Variants in ROBO3 observed in about 807,000 individuals in gnomAD.
ROBO3 encodes the protein roundabout guidance receptor 3.
Under a neutral mutation model 160.5 loss-of-function variants are expected in ROBO3, and 97 were observed. The ratio of observed to expected loss-of-function variants is 0.60; its 90% confidence interval spans 0.51 to 0.72. ROBO3 has a LOEUF of 0.72. Among genes scored for constraint, ROBO3 ranks in the 30% least tolerant of loss-of-function variants. The pLI, the probability that ROBO3 is intolerant of heterozygous loss-of-function variation, is 0.00. For synonymous variants in ROBO3, 780 were observed against 746.2 expected (o/e 1.05, Z -0.74); for missense variants, 1,858 against 1,846.5 (o/e 1.01, Z -0.11).
chr11:124,868,742 G>T, intron 1 of ROBO3, 60 bp from the exon 2 acceptor site: 5 of 1,487,312 alleles, frequency 3.4e-6, no homozygotes, highest in Non-Finnish European at 1.8e-6. Flanking sequence ...TCCCTCTGGA[G>T]CCTCAATCTC....
chr11:124,868,686 G>A (rs972865442), intron 1 of ROBO3, 116 bp from the exon 2 acceptor site: 2 of 1,067,368 alleles, frequency 1.9e-6, no homozygotes, highest in Middle Eastern at 3.9e-4. Flanking sequence ...TGGGGACTGA[G>A]CTCCGCAGAG....
chr11:124,869,813 C>G lies in ROBO3; in HGVS notation c.646-135C>G. On this transcript the variant is annotated intron_variant, in intron 3 of 27. Transcript: ENST00000397801. The surrounding 1 kb of genome is among the most constrained non-coding windows in gnomAD (Gnocchi z 4.2). ...ACTTCCCATTTGATATGTGGGTCAA[C>G]TTCCTTGGTCTCCTTTATCAGCTTG... 1 of 1,349,684 alleles carries G rather than the reference C, an allele frequency of 7.4e-7. No individual in the cohort carries two copies. The highest frequency in any genetic ancestry group is 1.4e-5 in the South Asian group (1 of 72,910). The allele number at this position is 1,349,684 out of a possible 1,614,324, so 83.6% of individuals were successfully genotyped here. A position where few individuals can be genotyped will look rare whatever the true frequency, so the allele number is the denominator to read the frequency against.
intron 15 of ROBO3, 31 bp downstream of exon 15, chr11:124,875,716 G>A (rs978590792): frequency 1.3e-6 from 2 of 1,578,706 alleles, no homozygotes; most frequent in Non-Finnish European, 8.6e-7. Flanking sequence ...CTGGATGGGA[G>A]GGCCAGGCCG....
Position 124,865,749 on chromosome 11 carries a change from C to A in ROBO3, c.160+12C>A, listed in dbSNP as rs145440217. The A allele has an allele frequency of 5.0e-6, 8 of 1,598,782 alleles. No homozygotes were observed. The East Asian group carries it at 1.8e-4, about 36-fold the overall frequency. ...TCCCTCTCTCAACGGTGAGACCCTG[C>A]CTCTTGGGGATATGGGATCCTGGGA... On this transcript the variant is annotated intron_variant, in intron 1 of 27. Transcript: ENST00000397801. This position sits in a 1 kb window ranked among gnomAD's most constrained non-coding sequence, Gnocchi z 5.5.
At position 124,873,330 on chromosome 11, in the gene ROBO3, C is replaced by T. The variant is rs774185333; in HGVS notation, c.1557C>T (p.Tyr519=). ...ANVQEMDMGF[Y]SCVAKSSTGE... ...TCCAGGAGATGGACATGGGCTTCTA[C>T]AGCTGCGTGGCCAAGAGTTCCACAG... Residue 519 remains tyrosine, a synonymous_variant, in exon 10 of 28, where the codon TAC becomes TAT. Coordinates refer to ENST00000397801, the MANE Select transcript of ROBO3 (RefSeq NM_022370.4). The surrounding 1 kb of genome is among the most constrained non-coding windows in gnomAD (Gnocchi z 4.5). 8.7e-6 allele frequency: 14 copies of T among 1,611,184 alleles called. No individual in the cohort carries two copies. Among genetic ancestry groups the T allele is most frequent in the African/African-American group, 1.3e-5 (1 of 74,884 alleles).
Position 124,875,270 on chromosome 11 carries a change from C to G in ROBO3, c.2233C>G (p.Gln745Glu). Reference protein sequence around the residue: ...PPGTQIQIKVQAQGQEGLGAE... With the variant: ...PPGTQIQIKVEAQGQEGLGAE... Reference sequence around the variant, plus strand: ...AGGGACCCAAATCCAGATCAAGGTGCAAGCCCAAGGCCAGGAGGGGCTGGG... The same window carrying G: ...AGGGACCCAAATCCAGATCAAGGTGGAAGCCCAAGGCCAGGAGGGGCTGGG... The change falls in exon 14 of 28, where the codon CAA (glutamine) becomes GAA (glutamate). Residue 745 changes from glutamine to glutamate, a missense_variant. Coordinates refer to ENST00000397801, the MANE Select transcript of ROBO3 (RefSeq NM_022370.4). The G allele has an allele frequency of 6.2e-7, 1 of 1,613,798 alleles. No individual in the cohort carries two copies. Among genetic ancestry groups the G allele is most frequent in the Non-Finnish European group, 8.5e-7 (1 of 1,179,862 alleles).
chr11:124,867,326 A>ATATC (rs1448208377), intron 1 of ROBO3, among the ~76,000 whole-genome samples: 11 of 152,246 alleles, frequency 7.2e-5, no homozygotes, highest in Non-Finnish European at 2.9e-5. Flanking sequence ...GTCTTAGAGC[A>ATATC]ACCCTATCAC....
rs1946187404 is a variant in ROBO3, at chr11:124,865,707, C to T, written c.130C>T (p.Leu44=). ...NSSLAALNHT[L]LPPGDPSLNG... is the part of the protein sequence containing the mutation. ...CTCGCTGGCGGCGCTCAACCACACC[C>T]TGCTGCCTCCCGGCGATCCCTCTCT... is the stretch of plus-strand genomic sequence containing the variant. The change falls in exon 1 of 28, where the codon CTG becomes TTG. Residue 44 remains leucine, a synonymous_variant. Transcript: ENST00000397801. This position sits in a 1 kb window ranked among gnomAD's most constrained non-coding sequence, Gnocchi z 5.5. The T allele has an allele frequency of 6.2e-7, 1 of 1,610,830 alleles. No homozygotes were observed. Among genetic ancestry groups the T allele is most frequent in the East Asian group, 2.2e-5 (1 of 44,850 alleles).
rs761406340 is a variant in ROBO3, at chr11:124,873,903, G to A, written c.1784+41G>A. The A allele has an allele frequency of 6.2e-7, 1 of 1,609,998 alleles. No individual in the cohort carries two copies. Among genetic ancestry groups the A allele is most frequent in the South Asian group, 1.1e-5 (1 of 90,742 alleles). Reference sequence around the variant, plus strand: ...TGAATGCAAACCTGGAGAGTTAAAAGGAGGGGATCCTATGCCCTTAGGGTC... The same window carrying A: ...TGAATGCAAACCTGGAGAGTTAAAAAGAGGGGATCCTATGCCCTTAGGGTC... On this transcript the variant is annotated intron_variant, in intron 11 of 27. Transcript: ENST00000397801. This position sits in a 1 kb window ranked among gnomAD's most constrained non-coding sequence, Gnocchi z 4.5.
chr11:124,869,578 A>G lies in ROBO3; in HGVS notation c.616A>G (p.Arg206Gly). Reference sequence around the variant, plus strand: ...CGTGTCCTGGAGGAAGGACGGTGCAAGACTCAAGGAAGAGGAAGGAAGGAT... The same window carrying G: ...CGTGTCCTGGAGGAAGGACGGTGCAGGACTCAAGGAAGAGGAAGGAAGGAT... ...PSVSWRKDGA[R>G]LKEEEGRITI... The change falls in exon 3 of 28, where the codon AGA (arginine) becomes GGA (glycine). Residue 206 changes from arginine to glycine, a missense_variant. By Grantham distance (125) the Arg-to-Gly change is moderately radical. Transcript: ENST00000397801. This position sits in a 1 kb window ranked among gnomAD's most constrained non-coding sequence, Gnocchi z 4.2. 6.3e-7 allele frequency: 1 copy of G among 1,575,190 alleles called. No homozygotes were observed. Among genetic ancestry groups the G allele is most frequent in the Non-Finnish European group, 8.6e-7 (1 of 1,159,780 alleles).
In ROBO3 at chr11:124,879,357, C is replaced by T. The variant is rs1296299891; in HGVS notation, c.3685+16C>T. 1.2e-6 allele frequency: 2 copies of T among 1,607,286 alleles called. No homozygotes were observed. Among genetic ancestry groups the T allele is most frequent in the African/African-American group, 2.7e-5 (2 of 74,922 alleles). On this transcript the variant is annotated intron_variant, in intron 24 of 27. Coordinates refer to ENST00000397801, the MANE Select transcript of ROBO3 (RefSeq NM_022370.4). ...AGTGCCCCAGGTAAGTCTCTACAACCTCCTTTTGCCCCCCGGCTCCCTCCA... is the reference window on the plus strand; with the variant it reads ...AGTGCCCCAGGTAAGTCTCTACAACTTCCTTTTGCCCCCCGGCTCCCTCCA...
chr11:124,867,430 C>T (rs953524357), intron 1 of ROBO3, among the ~76,000 whole-genome samples: 11 of 152,194 alleles, frequency 7.2e-5, no homozygotes, highest in Non-Finnish European at 1.5e-4. Context: ...GTCTGAGATT[C>T]CAGCCCTGGT....
In ROBO3 at chr11:124,878,534, G is replaced by A. The variant is rs1258741997; in HGVS notation, c.3321-50G>A. 4 of 1,604,644 alleles carry A rather than the reference G, an allele frequency of 2.5e-6. No individual in the cohort carries two copies. Among genetic ancestry groups the A allele is most frequent in the Non-Finnish European group, 1.7e-6 (2 of 1,174,534 alleles). The stretch of plus-strand genomic sequence containing the variant: ...GGGCAGCAGGAAGGCCAACGGGAAG[G>A]TATGGAAGCAGCTGAGCCCTTTCCT... On this transcript the variant is annotated intron_variant, in intron 22 of 27. Transcript: ENST00000397801. This position sits in a 1 kb window ranked among gnomAD's most constrained non-coding sequence, Gnocchi z 4.3.
In ROBO3 at chr11:124,872,244, G is replaced by A; in HGVS notation, c.1159-137G>A. 1.2e-6 allele frequency: 1 copy of A among 811,098 alleles called. No homozygotes were observed. Among genetic ancestry groups the A allele is most frequent in the Non-Finnish European group, 2.1e-6 (1 of 480,834 alleles). 50.2% of individuals were successfully genotyped at this position (811,098 alleles called of 1,614,324 possible). ...GAATACATTTAACTACTTTGCCCAA[G>A]TTCACATCACTGCTGGAGACAGACG... is the stretch of plus-strand genomic sequence containing the variant. On this transcript the variant is annotated intron_variant, in intron 7 of 27. Coordinates refer to ENST00000397801, the MANE Select transcript of ROBO3 (RefSeq NM_022370.4). This position sits in a 1 kb window ranked among gnomAD's most constrained non-coding sequence, Gnocchi z 4.3.
Position 124,872,953 on chromosome 11 carries a change from C to T in ROBO3, c.1400C>T (p.Ser467Phe), listed in dbSNP as rs2135329585. The T allele has an allele frequency of 6.2e-7, 1 of 1,613,184 alleles. No individual in the cohort carries two copies. The highest frequency in any genetic ancestry group is 8.5e-7 in the Non-Finnish European group (1 of 1,179,828). Residue 467 changes from serine to phenylalanine, a missense_variant, in exon 9 of 28, where the codon TCC (serine) becomes TTC (phenylalanine). Ser to Phe is a radical substitution (Grantham distance 155, BLOSUM62 -2). Coordinates refer to ENST00000397801, the MANE Select transcript of ROBO3 (RefSeq NM_022370.4). The surrounding 1 kb of genome is among the most constrained non-coding windows in gnomAD (Gnocchi z 4.3). ...PANQTLVLGS[S>F]VWLPCRVTGN... Reference sequence around the variant, plus strand: ...AATCAGACGCTGGTGCTTGGCTCCTCCGTGTGGCTGCCCTGCAGAGTGACT... The same window carrying T: ...AATCAGACGCTGGTGCTTGGCTCCTTCGTGTGGCTGCCCTGCAGAGTGACT...
At chr11:124,867,751 G>A (rs1181792690) in intron 1 of ROBO3, among the ~76,000 whole-genome samples, 1 of 145,564 alleles carries the variant, frequency 6.9e-6, no homozygotes, top group African/African-American at 2.5e-5. Context: ...GAAGCGGGAG[G>A]TTCCTGCAGA....
In ROBO3 at chr11:124,876,817, C is replaced by T. The variant is rs558074691; in HGVS notation, c.2780-344C>T. The stretch of plus-strand genomic sequence containing the variant: ...GAGGGGGTGTGGCCAGGATCCCAGG[C>T]AGTAAATTGTGCGGCGGGGTCTGGA... On this transcript the variant is annotated intron_variant, in intron 17 of 27. Transcript: ENST00000397801. This position sits in a 1 kb window ranked among gnomAD's most constrained non-coding sequence, Gnocchi z 5.3. 1,748 of 535,172 alleles carry T rather than the reference C, an allele frequency of 3.3e-3. 8 individuals are homozygous for T. The highest frequency in any genetic ancestry group is 4.5e-3 in the Non-Finnish European group (1,363 of 301,048). The allele number at this position is 535,172 out of a possible 1,614,324, so 33.2% of individuals were successfully genotyped here.
At chr11:124,870,448 C>T (rs1329781695) in intron 5 of ROBO3, 145 bp downstream of exon 5, 14 of 1,457,022 alleles carry the variant, frequency 9.6e-6, no homozygotes, top group East Asian at 2.5e-5. Flanking sequence ...CCTATCCAGT[C>T]CCCACCTCCA....
In ROBO3 at chr11:124,876,419, A is replaced by C; in HGVS notation, c.2738A>C (p.Tyr913Ser). 1 of 1,448,356 alleles carries C rather than the reference A, an allele frequency of 6.9e-7. No individual in the cohort carries two copies. The highest frequency in any genetic ancestry group is 1.4e-5 in the South Asian group (1 of 72,080). The allele number at this position is 1,448,356 out of a possible 1,614,324, so 89.7% of individuals were successfully genotyped here. A position where few individuals can be genotyped will look rare whatever the true frequency, so the allele number is the denominator to read the frequency against. Residue 913 changes from tyrosine to serine, a missense_variant, in exon 17 of 28, where the codon TAC becomes TCC. Physicochemically the swap from Tyr to Ser is moderately radical, Grantham distance 144. Transcript: ENST00000397801. The surrounding 1 kb of genome is among the most constrained non-coding windows in gnomAD (Gnocchi z 5.3). ...ALLLGLCAAL[Y>S]WRRKQRKELS... is the part of the protein sequence containing the mutation. ...CTTCTCGGGCTCTGCGCCGCCCTCT[A>C]CTGGCGCCGGAAACAGCGCAAAGAG... is the stretch of plus-strand genomic sequence containing the variant.
Sources: gnomAD v4.1 joint callset for allele counts (sites outside exome capture counted in the v4.1 genomes callset) on GRCh38, gnomAD v4.1.1 for gene constraint, Gnocchi (gnomAD v3.1) non-coding constraint, MANE v1.5 for transcripts, NCBI Gene and HGNC (gene_info 2026-07-23, HGNC 2026-07-21) for gene names.